Variants in PIP5K1B observed in about 807,000 individuals in gnomAD.
PIP5K1B encodes the protein phosphatidylinositol-4-phosphate 5-kinase type 1 beta.
PIP5K1B carries 42 observed loss-of-function variants against 67.0 expected under a neutral mutation model. That is an observed-to-expected ratio of 0.63 (90% CI 0.49 to 0.81). The LOEUF (loss-of-function observed/expected upper bound fraction) is 0.81. Ranked by LOEUF, PIP5K1B falls within the 30% of genes least tolerant of loss-of-function variation. The probability of loss-of-function intolerance (pLI) is 0.00; values close to 1 mark genes in which losing one functional copy is unlikely to be tolerated. For synonymous variants in PIP5K1B, 214 were observed against 231.4 expected (o/e 0.92, Z 0.68); for missense variants, 459 against 646.3 (o/e 0.71, Z 3.14).
chr9:68,881,916 A>C (rs1483482976), intron 6 of PIP5K1B, among the ~76,000 whole-genome samples: 1 of 152,222 alleles, frequency 6.6e-6, no homozygotes. Flanking sequence ...CACCTGCGCC[A>C]ATAAGAAAGA....
At chr9:68,916,937 A>G (rs578204846) in intron 8 of PIP5K1B, among the ~76,000 whole-genome samples, 86 of 152,272 alleles carry the variant, frequency 5.6e-4, no homozygotes, top group African/African-American at 1.9e-3. Context: ...TTATGAGAAC[A>G]GAATTCAGAC....
At chr9:68,878,411 A>G (rs1357653336) in intron 6 of PIP5K1B, among the ~76,000 whole-genome samples, 1 of 152,104 alleles carries the variant, frequency 6.6e-6, no homozygotes, top group Admixed American at 6.5e-5. Flanking sequence ...TTTCTGAACA[A>G]CTTCCCACAC....
chr9:68,988,850 A>T (rs1830225544), intron 14 of PIP5K1B, among the ~76,000 whole-genome samples: 2 of 150,818 alleles, frequency 1.3e-5, no homozygotes, highest in African/African-American at 4.9e-5. Context: ...TAGTCCCAGC[A>T]TTTTGGGAGG....
At chr9:68,861,389 G>T (rs936923151) in intron 4 of PIP5K1B, among the ~76,000 whole-genome samples, 1 of 152,168 alleles carries the variant, frequency 6.6e-6, no homozygotes, top group Non-Finnish European at 1.5e-5. Context: ...AGTATACCCA[G>T]TGATTCTCAT....
rs557033884 is a variant in PIP5K1B, at chr9:68,963,454, G to T, written c.1502+22664G>T. The T allele has an allele frequency of 9.0e-5, 23 of 256,482 alleles. No homozygotes were observed. In the South Asian group the frequency reaches 9.4e-4, roughly 10 times the overall value. 15.9% of individuals were successfully genotyped at this position (256,482 alleles called of 1,614,324 possible). ...GGAGGTGGAGGTTGCAGTGAGCTGAGATTATGCCATTGCACTCCATCCTGG... is the reference window on the plus strand; with the variant it reads ...GGAGGTGGAGGTTGCAGTGAGCTGATATTATGCCATTGCACTCCATCCTGG... On this transcript the variant is annotated intron_variant, in intron 14 of 15. Transcript: ENST00000265382.
rs185207164 is a variant in PIP5K1B at position 68,914,696 on chromosome 9, C to A, written c.772-2852C>A. 4.3e-3 allele frequency among the ~76,000 whole-genome samples: 649 copies of A among 151,972 alleles called. 4 individuals carry two copies. Among genetic ancestry groups the A allele is most frequent in the African/African-American group, 0.014 (591 of 41,408 alleles). Reference sequence around the variant, plus strand: ...CACCACTGCACTCCAGCCTGGGCAACAGAGCAAGACTCCATCTCAATAAAA... The same window carrying A: ...CACCACTGCACTCCAGCCTGGGCAAAAGAGCAAGACTCCATCTCAATAAAA... On this transcript the variant is annotated intron_variant, in intron 8 of 15. Transcript: ENST00000265382.
intron 12 of PIP5K1B, among the ~76,000 whole-genome samples, chr9:68,925,511 A>C (rs1028303996): frequency 2.6e-5 from 4 of 152,154 alleles, no homozygotes; most frequent in African/African-American, 4.8e-5. Flanking sequence ...AGTTCCTTTG[A>C]GAATTGAGCT....
At chr9:68,934,098 C>G (rs1282651920) in intron 12 of PIP5K1B, among the ~76,000 whole-genome samples, 3 of 152,198 alleles carry the variant, frequency 2.0e-5, no homozygotes, top group African/African-American at 7.2e-5. Context: ...CAATATTAAG[C>G]CAAGAAGAAT....
At chr9:68,821,395 A>T (rs759847261) in intron 3 of PIP5K1B, among the ~76,000 whole-genome samples, 1 of 152,264 alleles carries the variant, frequency 6.6e-6, no homozygotes, top group Non-Finnish European at 1.5e-5. Context: ...TATCAGAAAC[A>T]TTAAGACCTC....
intron 2 of PIP5K1B, chr9:68,781,994 A>G (rs1008028080): frequency 1.2e-5 from 2 of 167,032 alleles, no homozygotes; most frequent in African/African-American, 4.8e-5. Context: ...CAGTTCCAGA[A>G]ATTATTGCCA....
In PIP5K1B at chr9:68,882,987, G is replaced by T. The variant is rs75663437; in HGVS notation, c.319-5994G>T. Among the ~76,000 whole-genome samples, 345 of 152,272 alleles carry T rather than the reference G, an allele frequency of 2.3e-3. 3 individuals are homozygous for T. Among genetic ancestry groups the T allele is most frequent in the African/African-American group, 7.9e-3 (330 of 41,560 alleles). Reference sequence around the variant, plus strand: ...TACCTGCCTGTGGAATGAGTATATTGTAGGCCGTGTGCTTCTCTCACCTGT... The same window carrying T: ...TACCTGCCTGTGGAATGAGTATATTTTAGGCCGTGTGCTTCTCTCACCTGT... On this transcript the variant is annotated intron_variant, in intron 6 of 15. Coordinates refer to ENST00000265382, the MANE Select transcript of PIP5K1B (RefSeq NM_003558.4).
chr9:68,790,662 G>A (rs1169936096), intron 2 of PIP5K1B, among the ~76,000 whole-genome samples: 1 of 152,062 alleles, frequency 6.6e-6, no homozygotes, highest in Non-Finnish European at 1.5e-5. Context: ...CTGCGTTCCT[G>A]GAGCCATATT....
intron 2 of PIP5K1B, among the ~76,000 whole-genome samples, chr9:68,762,402 G>C (rs1830225467): frequency 6.6e-6 from 1 of 152,046 alleles, no homozygotes; most frequent in Non-Finnish European, 1.5e-5. Flanking sequence ...AGAAAAATTA[G>C]ACTGTATTAA....
rs12350193 is a variant in PIP5K1B, at chr9:68,986,492, G to A, written c.1503-4648G>A. ...TTTATATAATCTGGATACATGTCTC[G>A]ATGAGCCTCATTTTTGTCACCCAAA... On this transcript the variant is annotated intron_variant, in intron 14 of 15. Transcript: ENST00000265382. Among the ~76,000 whole-genome samples, 1,194 of 151,626 alleles carry A rather than the reference G, an allele frequency of 7.9e-3. 13 individuals are homozygous for A. The highest frequency in any genetic ancestry group is 0.027 in the African/African-American group (1,106 of 41,332).
chr9:68,739,132 A>C (rs1056796141), intron 1 of PIP5K1B, among the ~76,000 whole-genome samples: 1 of 152,154 alleles, frequency 6.6e-6, no homozygotes, highest in African/African-American at 2.4e-5. Flanking sequence ...TGTAATCTTT[A>C]TGACCATTTA....
At chr9:68,816,117 T>C (rs1833430698) in intron 2 of PIP5K1B, among the ~76,000 whole-genome samples, 1 of 152,094 alleles carries the variant, frequency 6.6e-6, no homozygotes, top group South Asian at 2.1e-4. Flanking sequence ...TCAACACGAT[T>C]TTTTTGTTTG....
At chr9:68,815,287 A>G (rs10114785) in intron 2 of PIP5K1B, among the ~76,000 whole-genome samples, 8,118 of 152,044 alleles carry the variant, frequency 0.053, 413 homozygotes, top group East Asian at 0.13. Context: ...AAGAGTGAAA[A>G]ATAAGCTAAA....
chr9:68,941,423 A>G lies in PIP5K1B; in HGVS notation c.1502+633A>G, dbSNP rs561145047. Among the ~76,000 whole-genome samples the G allele has an allele frequency of 3.5e-4, 53 of 152,284 alleles. 2 individuals carry two copies. In the South Asian group the frequency reaches 0.011, roughly 32 times the overall value. ...CACAACATCAGAAGCAGAAGGCAGG[A>G]TACTCCATTTGCCCTGATATGATTA... On this transcript the variant is annotated intron_variant, in intron 14 of 15. Coordinates refer to ENST00000265382, the MANE Select transcript of PIP5K1B (RefSeq NM_003558.4).
chr9:68,901,303 A>G (rs1825340548), intron 8 of PIP5K1B, among the ~76,000 whole-genome samples: 1 of 152,180 alleles, frequency 6.6e-6, no homozygotes, highest in Admixed American at 6.5e-5. Context: ...TCTGCTGCCC[A>G]GGCTATAGTG....
Sources: allele counts gnomAD v4.1 joint callset (sites outside exome capture counted in the v4.1 genomes callset), GRCh38; gene constraint gnomAD v4.1.1; transcripts MANE v1.5; gene names NCBI Gene and HGNC (gene_info 2026-07-23, HGNC 2026-07-21).